The following TDRD7 variants were observed in gnomAD, a reference collection of about 807,000 sequenced individuals.
The protein encoded by TDRD7 is tudor domain-containing protein 7.
TDRD7 carries 47 observed loss-of-function variants against 109.8 expected under a neutral mutation model. The observed-to-expected ratio is 0.43, with a 90% CI of 0.34 to 0.55. The LOEUF (loss-of-function observed/expected upper bound fraction) is 0.55. TDRD7 is among the 20% of genes least tolerant of loss of function. The pLI, the probability that TDRD7 is intolerant of heterozygous loss-of-function variation, is 0.03. For missense variants in TDRD7, 1,164 were observed against 1,319.2 expected (o/e 0.88, Z 1.82); for synonymous variants, 424 against 457.3 (o/e 0.93, Z 0.93).
intron 6 of TDRD7, among the ~76,000 whole-genome samples, chr9:97,454,584 C>G (rs1828568668): frequency 6.6e-6 from 1 of 152,212 alleles, no homozygotes; most frequent in South Asian, 2.1e-4. Flanking sequence ...TCCTGAATGA[C>G]TCCTGGGTAA....
chr9:97,433,329 T>A (rs1828136949), intron 4 of TDRD7, among the ~76,000 whole-genome samples: 1 of 151,386 alleles, frequency 6.6e-6, no homozygotes, highest in Admixed American at 6.6e-5. Context: ...TATTTATAAT[T>A]ATTATAATTT....
chr9:97,449,325 C>G (rs1396201018), intron 6 of TDRD7, among the ~76,000 whole-genome samples: 3 of 152,180 alleles, frequency 2.0e-5, no homozygotes, highest in African/African-American at 7.2e-5. Flanking sequence ...TCAGATCCCA[C>G]AGGGTGAAGG....
At chr9:97,442,656 GA>G (rs1371120604) in intron 6 of TDRD7, among the ~76,000 whole-genome samples, 1 of 152,192 alleles carries the variant, frequency 6.6e-6, no homozygotes, top group African/African-American at 2.4e-5. Flanking sequence ...TAGGCTTGTA[GA>G]ATTAAATATG....
intron 1 of TDRD7, among the ~76,000 whole-genome samples, chr9:97,418,302 G>A (rs925199980): frequency 1.4e-4 from 22 of 152,166 alleles, no homozygotes; most frequent in African/African-American, 5.1e-4. Flanking sequence ...GCACTTCTGT[G>A]CCGTGCAGAT....
intron 1 of TDRD7, among the ~76,000 whole-genome samples, chr9:97,420,364 T>TGGGGG (rs34308257): frequency 7.7e-3 from 507 of 66,086 alleles, no homozygotes; most frequent in African/African-American, 0.01. Context: ...AACTTTTTTT[T>TGGGGG]GGGGGGGGCG....
Position 97,430,991 on chromosome 9 carries a change from G to A in TDRD7, c.266G>A (p.Arg89His), listed in dbSNP as rs201781290. The change falls in exon 3 of 17, where the codon CGT (arginine) becomes CAT (histidine). Residue 89 changes from arginine to histidine, a missense_variant. Coordinates refer to ENST00000355295, the MANE Select transcript of TDRD7 (RefSeq NM_014290.3). Reference protein sequence around the residue: ...ETARIAQLVARQRSSKRKTGR... With the variant: ...ETARIAQLVAHQRSSKRKTGR... ...GCAAGAATTGCTCAGCTTGTGGCTCGTCAAAGGAGTTCTAAAAGGAAAACC... is the reference window on the plus strand; with the variant it reads ...GCAAGAATTGCTCAGCTTGTGGCTCATCAAAGGAGTTCTAAAAGGAAAACC... 25 of 1,608,682 alleles carry A rather than the reference G, an allele frequency of 1.6e-5. No individual in the cohort carries two copies. In the East Asian group the frequency reaches 4.7e-4, roughly 30 times the overall value.
intron 4 of TDRD7, among the ~76,000 whole-genome samples, chr9:97,434,350 G>A (rs537880758): frequency 6.6e-6 from 1 of 152,250 alleles, no homozygotes; most frequent in East Asian, 1.9e-4. Context: ...CCAAAGGCAG[G>A]GACGTGGGGT....
intron 6 of TDRD7, among the ~76,000 whole-genome samples, chr9:97,451,716 C>T (rs1489328731): frequency 1.3e-5 from 2 of 152,222 alleles, no homozygotes; most frequent in Admixed American, 6.5e-5. Flanking sequence ...GTTCCAGAGC[C>T]GCAGGCTTGT....
chr9:97,461,928 A>G (rs1222000194), intron 7 of TDRD7, among the ~76,000 whole-genome samples: 2 of 152,254 alleles, frequency 1.3e-5, no homozygotes, highest in African/African-American at 2.4e-5. Flanking sequence ...AAGCTCTTCC[A>G]TTTGAACAAA....
chr9:97,451,935 A>G (rs1828501463), intron 6 of TDRD7, among the ~76,000 whole-genome samples: 1 of 152,270 alleles, frequency 6.6e-6, no homozygotes, highest in African/African-American at 2.4e-5. Context: ...GTTGAATGAG[A>G]AAATAGGAAA....
chr9:97,476,158 T>C (rs1355673797), intron 12 of TDRD7, among the ~76,000 whole-genome samples: 4 of 152,162 alleles, frequency 2.6e-5, no homozygotes, highest in African/African-American at 4.8e-5. Context: ...TTGCCTTCCA[T>C]TGAGAGTATA....
intron 16 of TDRD7, among the ~76,000 whole-genome samples, chr9:97,491,565 T>C (rs1213014786): frequency 6.6e-6 from 1 of 152,230 alleles, no homozygotes; most frequent in Non-Finnish European, 1.5e-5. Flanking sequence ...AGGGATGTTA[T>C]GTAGTCCTAT....
At chr9:97,478,830 A>G (rs907407519) in intron 13 of TDRD7, among the ~76,000 whole-genome samples, 14 of 152,226 alleles carry the variant, frequency 9.2e-5, no homozygotes, top group Admixed American at 1.3e-4. Flanking sequence ...GTCCAGTTAC[A>G]GGTTCCATTT....
At chr9:97,456,654 C>A (rs973301073) in intron 6 of TDRD7, among the ~76,000 whole-genome samples, 2 of 152,176 alleles carry the variant, frequency 1.3e-5, no homozygotes, top group Non-Finnish European at 2.9e-5. Flanking sequence ...CTTCCTTACA[C>A]CTTATACAAA....
At chr9:97,443,897 C>T (rs1828355238) in intron 6 of TDRD7, among the ~76,000 whole-genome samples, 1 of 152,062 alleles carries the variant, frequency 6.6e-6, no homozygotes, top group South Asian at 2.1e-4. Context: ...TAAAAATATA[C>T]TTCACTGGTT....
chr9:97,414,255 C>G (rs1312122176), intron 1 of TDRD7, among the ~76,000 whole-genome samples: 2 of 152,170 alleles, frequency 1.3e-5, no homozygotes, highest in Non-Finnish European at 1.5e-5. Context: ...GTCTTTCAAA[C>G]TAAAAGTAAT....
At chr9:97,441,340 T>G (rs2118364181) in intron 5 of TDRD7, among the ~76,000 whole-genome samples, 1 of 152,198 alleles carries the variant, frequency 6.6e-6, no homozygotes, top group East Asian at 1.9e-4. Flanking sequence ...AGAAAACGGT[T>G]GGTTAAATAA....
At chr9:97,485,041 T>A (rs1829189767) in intron 15 of TDRD7, among the ~76,000 whole-genome samples, 2 of 152,218 alleles carry the variant, frequency 1.3e-5, no homozygotes, top group Admixed American at 6.5e-5. Context: ...AAACAGATAA[T>A]CTGATTTTTT....
chr9:97,439,457 A>G (rs944492296), intron 5 of TDRD7, 139 bp downstream of exon 5: 2 of 735,122 alleles, frequency 2.7e-6, no homozygotes, highest in African/African-American at 1.8e-5. Context: ...ATTGCTTTGC[A>G]TCATGAATCA....
Sources: gnomAD v4.1 joint callset for allele counts (sites outside exome capture counted in the v4.1 genomes callset) on GRCh38, gnomAD v4.1.1 for gene constraint, MANE v1.5 for transcripts, NCBI Gene and HGNC (gene_info 2026-07-23, HGNC 2026-07-21) for gene names.